The following NUP153 variants were observed in gnomAD, a reference collection of about 807,000 sequenced individuals.
NUP153 encodes the protein nucleoporin 153.
NUP153 carries 27 observed loss-of-function variants against 134.6 expected under a neutral mutation model. The ratio of observed to expected loss-of-function variants is 0.20; its 90% CI spans 0.15 to 0.28. The LOEUF is 0.28. NUP153 is among the 10% of genes least tolerant of loss of function. The pLI is 1.00. For synonymous variants in NUP153, 640 were observed against 623.5 expected (o/e 1.03, Z -0.40); for missense variants, 1,821 against 1,731.3 (o/e 1.05, Z -0.92).
intron 1 of NUP153, among the ~76,000 whole-genome samples, chr6:17,702,812 C>A (rs77498387): frequency 0.061 from 9,341 of 152,268 alleles, 392 homozygotes; most frequent in Non-Finnish European, 0.083. Context: ...TTTGCTTCTA[C>A]AATTCTTAAG....
intron 11 of NUP153, among the ~76,000 whole-genome samples, chr6:17,657,594 A>G (rs774353310): frequency 6.6e-5 from 10 of 152,002 alleles, no homozygotes; most frequent in Non-Finnish European, 1.5e-4. Context: ...GTGCCATGGT[A>G]TTGGCTTCTG....
At chr6:17,700,980 G>A (rs544767905) in intron 1 of NUP153, among the ~76,000 whole-genome samples, 98 of 152,284 alleles carry the variant, frequency 6.4e-4, no homozygotes, top group Middle Eastern at 3.4e-3. Context: ...AGCACTTCGC[G>A]GGAGGCCAAG....
At chr6:17,668,834 C>CT (rs1767714487) in intron 8 of NUP153, 141 bp downstream of exon 8, 1 of 575,048 alleles carries the variant, frequency 1.7e-6, no homozygotes, top group African/African-American at 2.0e-5. Flanking sequence ...CAGAGCGAGA[C>CT]TGAGACTCAA....
chr6:17,616,277 TC>T, intron 21 of NUP153, 96 bp from the exon 22 acceptor site: 4 of 313,338 alleles, frequency 1.3e-5, no homozygotes, highest in South Asian at 8.8e-5. Context: ...GTAAGGGGGG[TC>T]GGGTGGGGGG....
chr6:17,630,836 A>T (rs1225818574), intron 17 of NUP153, among the ~76,000 whole-genome samples: 1 of 151,924 alleles, frequency 6.6e-6, no homozygotes, highest in South Asian at 2.1e-4. Flanking sequence ...GAAGAGAGCA[A>T]GCATTATACT....
At chr6:17,689,400 A>G (rs13209121) in intron 1 of NUP153, among the ~76,000 whole-genome samples, 130 of 150,770 alleles carry the variant, frequency 8.6e-4, no homozygotes, top group Non-Finnish European at 1.5e-3. Context: ...AAAACAAAAC[A>G]AAACAAATAA....
chr6:17,688,845 C>T (rs374061375), intron 1 of NUP153, among the ~76,000 whole-genome samples: 17 of 152,004 alleles, frequency 1.1e-4, no homozygotes, highest in African/African-American at 3.9e-4. Flanking sequence ...TCCCAAATGG[C>T]TGCATTATTC....
At chr6:17,660,104 G>A (rs1440463620) in intron 11 of NUP153, among the ~76,000 whole-genome samples, 1 of 152,170 alleles carries the variant, frequency 6.6e-6, no homozygotes, top group Non-Finnish European at 1.5e-5. Flanking sequence ...AGTACTGCTA[G>A]CTAGGAAAAG....
chr6:17,639,234 C>T (rs1306436546), intron 15 of NUP153, among the ~76,000 whole-genome samples: 1 of 151,916 alleles, frequency 6.6e-6, no homozygotes, highest in Non-Finnish European at 1.5e-5. Context: ...CATGCCAGGA[C>T]GCCCAGCTAA....
intron 1 of NUP153, among the ~76,000 whole-genome samples, chr6:17,690,968 C>T (rs1231180680): frequency 2.0e-5 from 3 of 151,832 alleles, no homozygotes; most frequent in Non-Finnish European, 2.9e-5. Flanking sequence ...TGAAACCCCG[C>T]CTCTCCTAAA....
Position 17,677,629 on chromosome 6 carries a change from C to A in NUP153, c.335-1859G>T, listed in dbSNP as rs1265764716. 5.3e-5 allele frequency among the ~76,000 whole-genome samples: 8 copies of A among 152,116 alleles called. No individual in the cohort carries two copies. In the East Asian group the frequency reaches 1.5e-3, roughly 29 times the overall value. The stretch of plus-strand genomic sequence containing the variant: ...TTCCCAACACTGCTTTCCTACCCAC[C>A]TTTCCTTTGGTTCAGATCTCCTTTA... On this transcript the variant is annotated intron_variant, in intron 2 of 21. Transcript: ENST00000262077.
At chr6:17,691,412 A>C (rs1438060690) in intron 1 of NUP153, among the ~76,000 whole-genome samples, 2 of 152,220 alleles carry the variant, frequency 1.3e-5, no homozygotes, top group Non-Finnish European at 2.9e-5. Context: ...AATACTAGTT[A>C]CTTATCCCAT....
intron 5 of NUP153, among the ~76,000 whole-genome samples, chr6:17,673,754 C>A (rs1018158154): frequency 6.6e-6 from 1 of 152,172 alleles, no homozygotes; most frequent in Non-Finnish European, 1.5e-5. Flanking sequence ...TATTACCAGT[C>A]AGAATGAAAC....
chr6:17,690,224 C>T (rs1455898963), intron 1 of NUP153, among the ~76,000 whole-genome samples: 5 of 152,076 alleles, frequency 3.3e-5, no homozygotes, highest in East Asian at 1.9e-4. Context: ...TGGTGGCGGG[C>T]GCATGTAGTC....
At chr6:17,672,954 A>G (rs1475951548) in intron 5 of NUP153, among the ~76,000 whole-genome samples, 7 of 152,210 alleles carry the variant, frequency 4.6e-5, no homozygotes, top group South Asian at 4.1e-4. Flanking sequence ...AAGAAAACAT[A>G]AGACAAAATC....
intron 1 of NUP153, among the ~76,000 whole-genome samples, chr6:17,693,354 G>C (rs764101084): frequency 1.3e-5 from 2 of 151,982 alleles, no homozygotes; most frequent in African/African-American, 4.8e-5. Context: ...TTAAACACTA[G>C]ATATTAGAGA....
chr6:17,671,416 G>A (rs1158556434), intron 5 of NUP153, among the ~76,000 whole-genome samples: 1 of 152,042 alleles, frequency 6.6e-6, no homozygotes, highest in Non-Finnish European at 1.5e-5. Context: ...GGATTCACCA[G>A]GGAAGCTATC....
intron 11 of NUP153, among the ~76,000 whole-genome samples, chr6:17,659,916 T>C (rs757503830): frequency 1.3e-5 from 2 of 152,172 alleles, no homozygotes; most frequent in South Asian, 4.1e-4. Context: ...TATACAGTAA[T>C]AGATTCCCTC....
intron 5 of NUP153, among the ~76,000 whole-genome samples, chr6:17,673,980 C>T (rs1768066240): frequency 6.6e-6 from 1 of 152,162 alleles, no homozygotes; most frequent in South Asian, 2.1e-4. Flanking sequence ...ACCAACTGTA[C>T]TAACCATACT....
Sources: gnomAD v4.1 joint callset for allele counts (sites outside exome capture counted in the v4.1 genomes callset) on GRCh38, gnomAD v4.1.1 for gene constraint, MANE v1.5 for transcripts, NCBI Gene and HGNC (gene_info 2026-07-23, HGNC 2026-07-21) for gene names.